Variants in VPS8 observed in about 807,000 individuals in gnomAD.
The protein encoded by VPS8 is vacuolar protein sorting-associated protein 8 homolog.
VPS8 carries 129 observed loss-of-function variants against 216.4 expected under a neutral mutation model. That is an observed-to-expected ratio of 0.60 (90% confidence interval 0.52 to 0.69). The LOEUF is 0.69. Among genes scored for constraint, VPS8 ranks in the 30% least tolerant of loss-of-function variants. The probability of loss-of-function intolerance (pLI) is 0.00; values close to 1 mark genes in which losing one functional copy is unlikely to be tolerated. For missense variants in VPS8, 1,531 were observed against 1,683.5 expected (o/e 0.91, Z 1.59); for synonymous variants, 571 against 565.4 (o/e 1.01, Z -0.14).
At chr3:184,896,618 T>C (rs575880791) in intron 23 of VPS8, among the ~76,000 whole-genome samples, 2 of 152,334 alleles carry the variant, frequency 1.3e-5, no homozygotes, top group African/African-American at 4.8e-5. Flanking sequence ...TCAATCCTTA[T>C]TTTATTTACT....
At chr3:184,817,044 A>C (rs754032079) in intron 1 of VPS8, among the ~76,000 whole-genome samples, 53 of 152,190 alleles carry the variant, frequency 3.5e-4, no homozygotes, top group Non-Finnish European at 2.4e-4. Flanking sequence ...TTAACGTAAA[A>C]GAACATAAAA....
intron 36 of VPS8, among the ~76,000 whole-genome samples, chr3:184,956,208 A>G (rs573261747): frequency 6.6e-6 from 1 of 152,166 alleles, no homozygotes; most frequent in Non-Finnish European, 1.5e-5. Flanking sequence ...ACCATCACTT[A>G]TGAATAATCA....
At chr3:185,012,557 A>G (rs1195219183) in intron 45 of VPS8, among the ~76,000 whole-genome samples, 4 of 151,894 alleles carry the variant, frequency 2.6e-5, no homozygotes, top group Admixed American at 2.0e-4. Flanking sequence ...AAAGAAAACC[A>G]TACCCAAACA....
chr3:184,820,777 C>T (rs1484219870), intron 1 of VPS8, among the ~76,000 whole-genome samples: 2 of 152,104 alleles, frequency 1.3e-5, no homozygotes, highest in Non-Finnish European at 2.9e-5. Context: ...TAGTTGGCTT[C>T]ACTAATAAAG....
At chr3:184,819,821 T>A (rs1291279034) in intron 1 of VPS8, among the ~76,000 whole-genome samples, 1 of 152,230 alleles carries the variant, frequency 6.6e-6, no homozygotes, top group Non-Finnish European at 1.5e-5. Context: ...GAAGCCTTAC[T>A]GATAACATTA....
At chr3:184,902,236 G>C (rs924476451) in intron 25 of VPS8, among the ~76,000 whole-genome samples, 13 of 151,578 alleles carry the variant, frequency 8.6e-5, no homozygotes, top group African/African-American at 2.9e-4. Context: ...CCAGCACTTT[G>C]GGAGGCCCAG....
At chr3:184,878,533 G>T (rs1042958616) in intron 21 of VPS8, among the ~76,000 whole-genome samples, 1 of 152,136 alleles carries the variant, frequency 6.6e-6, no homozygotes, top group Non-Finnish European at 1.5e-5. Context: ...ATATATTTTT[G>T]CATTAAGAGG....
chr3:184,907,451 G>C (rs1468929604), intron 25 of VPS8, among the ~76,000 whole-genome samples: 1 of 152,142 alleles, frequency 6.6e-6, no homozygotes, highest in African/African-American at 2.4e-5. Flanking sequence ...ATCTTATTTA[G>C]GGATAGAATG....
At chr3:185,025,802 G>A (rs938997843) in intron 46 of VPS8, among the ~76,000 whole-genome samples, 1 of 152,210 alleles carries the variant, frequency 6.6e-6, no homozygotes, top group East Asian at 1.9e-4. Flanking sequence ...ACATAGTGAT[G>A]TCAAGCGTGT....
chr3:184,969,104 G>T (rs1327151264), intron 39 of VPS8, among the ~76,000 whole-genome samples: 1 of 152,082 alleles, frequency 6.6e-6, no homozygotes, highest in Non-Finnish European at 1.5e-5. Context: ...AAATTTTAGT[G>T]TTATAAGAAT....
chr3:184,894,938 ACAGTCT>A lies in VPS8; in HGVS notation c.2004+14_2004+19del. ...AGATATTCAGCAGGTGAGTTTATAG[ACAGTCT>A]ACTAACTTATGAAATAAACTTCATT... On this transcript the variant is annotated intron_variant, in intron 23 of 47. Coordinates refer to ENST00000625842, the MANE Select transcript of VPS8 (RefSeq NM_001009921.3). The A allele has an allele frequency of 6.3e-7, 1 of 1,578,814 alleles. No individual in the cohort carries two copies. Among genetic ancestry groups the A allele is most frequent in the South Asian group, 1.1e-5 (1 of 87,116 alleles).
intron 46 of VPS8, among the ~76,000 whole-genome samples, chr3:185,040,394 A>G (rs756824382): frequency 3.3e-5 from 5 of 152,280 alleles, no homozygotes; most frequent in East Asian, 1.9e-4. Context: ...GGTGATGCCA[A>G]TTGATCCTGG....
chr3:184,869,352 T>C, intron 19 of VPS8, 130 bp from the exon 20 acceptor site: 1 of 955,342 alleles, frequency 1.0e-6, no homozygotes, highest in South Asian at 1.7e-5. Flanking sequence ...TTATCCAACA[T>C]TTTGATAGCT....
chr3:185,013,351 T>A (rs138757239), intron 45 of VPS8, among the ~76,000 whole-genome samples: 55 of 152,290 alleles, frequency 3.6e-4, no homozygotes, highest in Non-Finnish European at 7.1e-4. Flanking sequence ...GTGAGCTACT[T>A]CTCTTAAGAG....
intron 5 of VPS8, 133 bp from the exon 6 acceptor site, chr3:184,838,580 TG>T: frequency 3.0e-6 from 2 of 659,730 alleles, no homozygotes; most frequent in Non-Finnish European, 2.5e-6. Context: ...TTCTGTTAGT[TG>T]GGGGCAAAAA....
intron 21 of VPS8, among the ~76,000 whole-genome samples, chr3:184,875,541 T>A (rs1729097382): frequency 6.6e-6 from 1 of 152,180 alleles, no homozygotes; most frequent in Admixed American, 6.5e-5. Context: ...CCTTTTCTTC[T>A]GGCTTTCCTC....
chr3:185,039,788 C>G (rs1397174948), intron 46 of VPS8, among the ~76,000 whole-genome samples: 1 of 152,094 alleles, frequency 6.6e-6, no homozygotes, highest in Non-Finnish European at 1.5e-5. Flanking sequence ...ATGAAACATG[C>G]AGTAGAAATT....
intron 3 of VPS8, among the ~76,000 whole-genome samples, chr3:184,829,323 C>T (rs568826310): frequency 4.3e-4 from 66 of 152,286 alleles, no homozygotes; most frequent in African/African-American, 1.4e-3. Flanking sequence ...AAGTGATTCT[C>T]GTGCCTCAGC....
chr3:184,982,696 C>T (rs750773082), intron 41 of VPS8, 49 bp downstream of exon 41: 5 of 1,394,518 alleles, frequency 3.6e-6, no homozygotes, highest in Admixed American at 2.0e-5. Flanking sequence ...ATCATCAGTC[C>T]AATATTTGTC....
Sources: gnomAD v4.1 joint callset for allele counts (sites outside exome capture counted in the v4.1 genomes callset) on GRCh38, gnomAD v4.1.1 for gene constraint, MANE v1.5 for transcripts, NCBI Gene and HGNC (gene_info 2026-07-23, HGNC 2026-07-21) for gene names.